PIEZO2: variants seen among roughly 807,000 people sequenced by gnomAD.
PIEZO2 encodes piezo-type mechanosensitive ion channel component 2.
Under a neutral mutation model 337.3 loss-of-function variants are expected in PIEZO2, and 172 were observed. That is an observed-to-expected ratio of 0.51 (90% CI 0.45 to 0.58). The LOEUF is 0.58. Among genes scored for constraint, PIEZO2 ranks in the 20% least tolerant of loss-of-function variants. PIEZO2 has a pLI of 0.00. For synonymous variants in PIEZO2, 1,251 were observed against 1,228.5 expected (o/e 1.02, Z -0.38); for missense variants, 3,028 against 3,391.3 (o/e 0.89, Z 2.66).
intron 36 of PIEZO2, 42 bp downstream of exon 36, chr18:10,731,364 GA>G (rs1290307962): frequency 3.5e-6 from 5 of 1,409,342 alleles, no homozygotes; most frequent in Non-Finnish European, 4.8e-6. Context: ...AGCACAGCCT[GA>G]AACCTGCCAC....
At chr18:11,062,502 T>C (rs1394903017) in intron 2 of PIEZO2, among the ~76,000 whole-genome samples, 2 of 152,074 alleles carry the variant, frequency 1.3e-5, no homozygotes, top group Non-Finnish European at 2.9e-5. Flanking sequence ...ATTTTTGCAA[T>C]CTACTCATCT....
At chr18:10,933,967 T>C (rs2032232532) in intron 3 of PIEZO2, among the ~76,000 whole-genome samples, 2 of 152,242 alleles carry the variant, frequency 1.3e-5, no homozygotes, top group South Asian at 2.1e-4. Flanking sequence ...CCCAGCCATG[T>C]GAAACTGTGA....
chr18:10,762,812 G>C, intron 22 of PIEZO2, 110 bp downstream of exon 22: 2 of 1,365,318 alleles, frequency 1.5e-6, no homozygotes, highest in Admixed American at 2.4e-5. Context: ...AGGGAGAGGT[G>C]ACTTACAAGC....
chr18:10,720,407 GTGTATGTGTATGTATATATATA>G (rs1296185091), intron 36 of PIEZO2, among the ~76,000 whole-genome samples: 171 of 11,898 alleles, frequency 0.014, 13 homozygotes, highest in Admixed American at 0.045. Context: ...GTGTGTGTAT[GTGTATGTGTATGTATATATATA>G]TATATATATA....
intron 36 of PIEZO2, among the ~76,000 whole-genome samples, 188 bp downstream of exon 36, chr18:10,731,219 C>A (rs1342324904): frequency 5.9e-5 from 7 of 117,796 alleles, no homozygotes; most frequent in East Asian, 2.3e-4. Flanking sequence ...ATATATATAT[C>A]TCCTAACTTT....
At chr18:11,067,425 T>C (rs1036676772) in intron 1 of PIEZO2, among the ~76,000 whole-genome samples, 4 of 152,194 alleles carry the variant, frequency 2.6e-5, no homozygotes, top group Non-Finnish European at 5.9e-5. Flanking sequence ...TGGATTAAAT[T>C]CTCCAATCAA....
At chr18:10,700,143 G>A (rs1292886410) in intron 43 of PIEZO2, among the ~76,000 whole-genome samples, 2 of 152,098 alleles carry the variant, frequency 1.3e-5, no homozygotes, top group Admixed American at 1.3e-4. Flanking sequence ...ATTATTTTAA[G>A]AGTTGTTTCC....
chr18:10,730,917 G>T (rs1467190937), intron 36 of PIEZO2, among the ~76,000 whole-genome samples: 3 of 151,874 alleles, frequency 2.0e-5, no homozygotes, highest in Non-Finnish European at 4.4e-5. Context: ...TAGTAGACAC[G>T]GGGTTTCACC....
intron 3 of PIEZO2, among the ~76,000 whole-genome samples, chr18:10,958,585 A>AT (rs1007258334): frequency 1.2e-4 from 19 of 152,356 alleles, no homozygotes; most frequent in African/African-American, 4.6e-4. Context: ...GGATATATTA[A>AT]TTAGCTTGAT....
chr18:10,765,589 T>C (rs1414320905), intron 21 of PIEZO2, among the ~76,000 whole-genome samples: 2 of 151,984 alleles, frequency 1.3e-5, no homozygotes, highest in African/African-American at 4.8e-5. Context: ...TAAAGGGCAA[T>C]GGAGGCAGAG....
chr18:10,977,301 C>CATATATATATAT (rs111865766), intron 3 of PIEZO2, among the ~76,000 whole-genome samples: 1 of 145,722 alleles, frequency 6.9e-6, no homozygotes, highest in African/African-American at 2.5e-5. Flanking sequence ...GAATAAGTTA[C>CATATATATATAT]ATATATATAT....
chr18:11,074,259 C>T (rs1007734986), intron 1 of PIEZO2, among the ~76,000 whole-genome samples: 1 of 152,120 alleles, frequency 6.6e-6, no homozygotes, highest in African/African-American at 2.4e-5. Flanking sequence ...CACAATGTCC[C>T]CTGATACCCC....
chr18:11,054,148 G>A (rs2037635220), intron 2 of PIEZO2, among the ~76,000 whole-genome samples: 1 of 152,188 alleles, frequency 6.6e-6, no homozygotes, highest in Non-Finnish European at 1.5e-5. Flanking sequence ...CCTAATGGAA[G>A]GCACAGTTTG....
Position 10,979,578 on chromosome 18 carries a change from C to T in PIEZO2, c.243G>A (p.Leu81=). The T allele has an allele frequency of 6.5e-7, 1 of 1,535,544 alleles. No homozygotes were observed. The highest frequency in any genetic ancestry group is 8.7e-7 in the Non-Finnish European group (1 of 1,145,696). The part of the protein sequence containing the change: ...LLLHIIFHIT[L]VSLEAQHRIA... Reference sequence around the variant, plus strand: ...TACGATGTTGAGCTTCAAGGCTCACCAACGTGATGTGGAAAATGATGTGCA... The same window carrying T: ...TACGATGTTGAGCTTCAAGGCTCACTAACGTGATGTGGAAAATGATGTGCA... Residue 81 remains leucine, a synonymous_variant, in exon 3 of 56, where the codon TTG becomes TTA. Transcript: ENST00000674853. This position sits in a 1 kb window ranked among gnomAD's most constrained non-coding sequence, Gnocchi z 4.0.
intron 2 of PIEZO2, among the ~76,000 whole-genome samples, chr18:10,984,350 A>T (rs1471719994): frequency 1.3e-5 from 2 of 152,030 alleles, no homozygotes; most frequent in South Asian, 2.1e-4. Flanking sequence ...TTAAATTTTT[A>T]AAAATATATT....
chr18:10,963,906 TA>T (rs2033892307), intron 3 of PIEZO2, among the ~76,000 whole-genome samples: 1 of 151,916 alleles, frequency 6.6e-6, no homozygotes, highest in Admixed American at 6.6e-5. Flanking sequence ...AGTTTCACAA[TA>T]AAAAGGAATG....
chr18:11,023,874 G>A (rs995539389), intron 2 of PIEZO2, among the ~76,000 whole-genome samples: 9 of 152,216 alleles, frequency 5.9e-5, no homozygotes, highest in South Asian at 2.1e-4. Context: ...TACAGCCTCC[G>A]CAGCCGCTGG....
chr18:10,977,324 T>C (rs2034483104), intron 3 of PIEZO2, among the ~76,000 whole-genome samples: 1 of 150,940 alleles, frequency 6.6e-6, no homozygotes, highest in South Asian at 2.1e-4. Context: ...ATATATAAAC[T>C]CAAAATTTAA....
chr18:10,984,628 G>A (rs943235873), intron 2 of PIEZO2, among the ~76,000 whole-genome samples: 1 of 152,058 alleles, frequency 6.6e-6, no homozygotes, highest in Admixed American at 6.6e-5. Context: ...ATAAACACTG[G>A]TGTTTAAGAA....
Sources: gnomAD v4.1 joint callset for allele counts (sites outside exome capture counted in the v4.1 genomes callset) on GRCh38, gnomAD v4.1.1 for gene constraint, Gnocchi (gnomAD v3.1) non-coding constraint, MANE v1.5 for transcripts, NCBI Gene and HGNC (gene_info 2026-07-23, HGNC 2026-07-21) for gene names.